TRMT44: variants seen among roughly 807,000 people sequenced by gnomAD.
TRMT44 encodes the protein probable tRNA (uracil-O(2)-)-methyltransferase.
A neutral mutation model predicts 77.3 loss-of-function variants in TRMT44; 78 were observed. That is an observed-to-expected ratio of 1.01 (90% confidence interval 0.84 to 1.22). TRMT44 has a LOEUF of 1.22. TRMT44 is among the 50% of genes most tolerant of loss of function. The probability of loss-of-function intolerance (pLI) is 0.00; values close to 1 mark genes in which losing one functional copy is unlikely to be tolerated. For missense variants in TRMT44, 1,090 were observed against 964.4 expected (o/e 1.13, Z -1.73); for synonymous variants, 391 against 383.3 (o/e 1.02, Z -0.23).
At chr4:8,453,652 A>G (rs931788392) in intron 5 of TRMT44, 7 of 152,290 alleles carry the variant, frequency 4.6e-5, no homozygotes, top group Non-Finnish European at 8.8e-5. Flanking sequence ...CCCAGGTAGC[A>G]CGGTCAGTAG....
intron 6 of TRMT44, among the ~76,000 whole-genome samples, chr4:8,463,230 C>G (rs538497992): frequency 1.3e-5 from 2 of 152,306 alleles, no homozygotes; most frequent in Non-Finnish European, 2.9e-5. Context: ...TGTGTGGTCT[C>G]TCTTCCCCCT....
At chr4:8,484,047 C>A (rs1212420181) in intron 2 of TRMT44, among the ~76,000 whole-genome samples, 1 of 152,102 alleles carries the variant, frequency 6.6e-6, no homozygotes, top group African/African-American at 2.4e-5. Flanking sequence ...CTTGAGATTT[C>A]CAGGATGGAA....
chr4:8,454,586 G>A (rs1725670344), intron 5 of TRMT44, 156 bp from the exon 6 acceptor site: 3 of 650,472 alleles, frequency 4.6e-6, no homozygotes, highest in African/African-American at 3.6e-5. Context: ...GGCACCTGGT[G>A]CGCTGGACAC....
chr4:8,459,433 G>A (rs1726018060), intron 6 of TRMT44, among the ~76,000 whole-genome samples: 2 of 152,230 alleles, frequency 1.3e-5, no homozygotes, highest in Middle Eastern at 3.2e-3. Flanking sequence ...CGAGGAAACC[G>A]AGGTACCCTT....
In TRMT44 at chr4:8,441,351, CG is replaced by C. The variant is rs1560215533; in HGVS notation, c.530del (p.Arg177LeufsTer27). Reference sequence around the variant, plus strand: ...GGCGGGATCGCAGCCAGAGGCGCAGCGTGAGCTCGACGTGGTTCTCAGAACC... The same window carrying C: ...GGCGGGATCGCAGCCAGAGGCGCAGCTGAGCTCGACGTGGTTCTCAGAACC... ...SGAGSQPEAQ[R>X]ELDVVLRTVI... is the part of the protein sequence containing the mutation. On this transcript the variant is annotated frameshift_variant, in exon 1 of 11. Transcript: ENST00000389737. LOFTEE classifies it high-confidence loss of function. 4 of 1,535,086 alleles carry C rather than the reference CG, an allele frequency of 2.6e-6. No homozygotes were observed. Among genetic ancestry groups the C allele is most frequent in the Non-Finnish European group, 1.7e-6 (2 of 1,146,354 alleles).
downstream of TRMT44, among the ~76,000 whole-genome samples, chr4:8,479,716 T>C (rs1727553750): frequency 6.6e-6 from 1 of 152,158 alleles, no homozygotes; most frequent in Admixed American, 6.5e-5. Flanking sequence ...AACAACACAC[T>C]TAGGCCACAC....
rs1727367845 is a variant in TRMT44 at position 8,476,106 on chromosome 4, ACCT to A, written c.*111_*113del. On this transcript the variant is annotated 3_prime_UTR_variant, in exon 11 of 11. Transcript: ENST00000389737. The stretch of plus-strand genomic sequence containing the variant: ...CTCTGCTCTGGCTGTGTTTCAGCCC[ACCT>A]CCTCCCAGCTTTCTCCACATCCTCA... 1 of 1,003,200 alleles carries A rather than the reference ACCT, an allele frequency of 1.0e-6. No individual in the cohort carries two copies. Among genetic ancestry groups the A allele is most frequent in the African/African-American group, 1.6e-5 (1 of 62,122 alleles). The allele number at this position is 1,003,200 out of a possible 1,614,324, so 62.1% of individuals were successfully genotyped here. A position where few individuals can be genotyped will look rare whatever the true frequency, so the allele number is the denominator to read the frequency against.
At chr4:8,460,424 C>G (rs772090933) in intron 6 of TRMT44, among the ~76,000 whole-genome samples, 3 of 152,222 alleles carry the variant, frequency 2.0e-5, no homozygotes, top group African/African-American at 4.8e-5. Flanking sequence ...AAGGATTATT[C>G]TTTTCTCTAT....
At chr4:8,460,769 A>G (rs540269866) in intron 6 of TRMT44, among the ~76,000 whole-genome samples, 111 of 152,300 alleles carry the variant, frequency 7.3e-4, no homozygotes, top group Non-Finnish European at 1.3e-3. Context: ...GGCCAGGCTG[A>G]TCTGGCTCTG....
chr4:8,498,113 C>T (rs1179730290), downstream of TRMT44, among the ~76,000 whole-genome samples: 1 of 152,174 alleles, frequency 6.6e-6, no homozygotes, highest in East Asian at 1.9e-4. This position sits in a 1 kb window ranked among gnomAD's most constrained non-coding sequence, Gnocchi z 4.3. Flanking sequence ...TAGAGATCCT[C>T]CCTTTGTGGG....
the TRMT44 span, among the ~76,000 whole-genome samples, chr4:8,500,765 CT>C: frequency 8.6e-5 from 13 of 151,968 alleles, no homozygotes; most frequent in African/African-American, 2.9e-4. Context: ...TCAAGCAATC[CT>C]TGTGCCTCAG....
chr4:8,479,385 T>G (rs1727542469), downstream of TRMT44: 1 of 151,948 alleles, frequency 6.6e-6, no homozygotes, highest in Admixed American at 6.6e-5. Flanking sequence ...TTCATCATCC[T>G]GCAACATCAG....
Position 8,475,831 on chromosome 4 carries a change from C to G in TRMT44, c.2104C>G (p.Gln702Glu), listed in dbSNP as rs761375759. 29 of 1,614,092 alleles carry G rather than the reference C, an allele frequency of 1.8e-5. No individual in the cohort carries two copies. Among genetic ancestry groups the G allele is most frequent in the Non-Finnish European group, 2.4e-5 (28 of 1,180,050 alleles). ...AGAGGAGACACTGTGGAAGACAAAG[C>G]AACCGGAAGCGAAACAGAGACTGCT... ...WREETLWKTK[Q>E]PEAKQRLLSE... Residue 702 changes from glutamine (Q) to glutamate (E), a missense_variant, in exon 11 of 11, where the codon CAA (glutamine) becomes GAA (glutamate). Gln to Glu is a conservative substitution (Grantham distance 29). Coordinates refer to ENST00000389737, the MANE Select transcript of TRMT44 (RefSeq NM_152544.3).
At chr4:8,454,707 G>C in intron 5 of TRMT44, 35 bp from the exon 6 acceptor site, 1 of 1,602,324 alleles carries the variant, frequency 6.2e-7, no homozygotes, top group Non-Finnish European at 8.6e-7. Context: ...GAAGTACTAA[G>C]GTTAACCTTT....
intron 2 of TRMT44, among the ~76,000 whole-genome samples, chr4:8,487,268 T>G (rs1009141293): frequency 6.6e-6 from 1 of 152,010 alleles, no homozygotes; most frequent in Non-Finnish European, 1.5e-5. Flanking sequence ...AGGTTTTAAG[T>G]TCTTGAGAGC....
At chr4:8,505,180 A>G in the TRMT44 span, among the ~76,000 whole-genome samples, 1 of 152,230 alleles carries the variant, frequency 6.6e-6, no homozygotes, top group South Asian at 2.1e-4. Context: ...CAGAGGTGGC[A>G]GAAACTGGCT....
At chr4:8,465,149 C>G (rs903253976) in intron 7 of TRMT44, among the ~76,000 whole-genome samples, 2 of 152,128 alleles carry the variant, frequency 1.3e-5, no homozygotes, top group Non-Finnish European at 2.9e-5. Context: ...GTCTGTCTTA[C>G]CCCAAACCTC....
Position 8,452,564 on chromosome 4 carries a change from GT to G in TRMT44, c.1024-317del, listed in dbSNP as rs1725520754. On this transcript the variant is annotated intron_variant, in intron 4 of 10. Transcript: ENST00000389737. The surrounding 1 kb of genome is among the most constrained non-coding windows in gnomAD (Gnocchi z 5.7). ...AGCCTGGCCAACATGGTGAAACCCTGTCTCTACTAAAAATACAAAATTAGCC... is the reference window on the plus strand; with the variant it reads ...AGCCTGGCCAACATGGTGAAACCCTGCTCTACTAAAAATACAAAATTAGCC... Among the ~76,000 whole-genome samples the G allele has an allele frequency of 6.6e-6, 1 of 152,086 alleles. No homozygotes were observed. Among genetic ancestry groups the G allele is most frequent in the Non-Finnish European group, 1.5e-5 (1 of 67,998 alleles).
intron 6 of TRMT44, among the ~76,000 whole-genome samples, chr4:8,456,535 T>A (rs1251327122): frequency 2.7e-5 from 4 of 149,200 alleles, no homozygotes; most frequent in Non-Finnish European, 4.4e-5. Context: ...GTGTAAGAAC[T>A]GTTGTTAAAA....
Sources: allele counts gnomAD v4.1 joint callset (sites outside exome capture counted in the v4.1 genomes callset), GRCh38; gene constraint gnomAD v4.1.1; non-coding constraint Gnocchi (gnomAD v3.1); transcripts MANE v1.5; gene names NCBI Gene and HGNC (gene_info 2026-07-23, HGNC 2026-07-21).